Variants in TRIO observed in about 807,000 individuals in gnomAD.
TRIO encodes the protein trio Rho guanine nucleotide exchange factor.
Under a neutral mutation model 351.9 loss-of-function variants are expected in TRIO, and 58 were observed. The observed-to-expected ratio is 0.16, with a 90% CI of 0.13 to 0.21. The LOEUF is 0.21. TRIO is among the 10% of genes least tolerant of loss of function. The pLI is 1.00. For missense variants in TRIO, 3,201 were observed against 4,027.8 expected, an observed-to-expected ratio of 0.79 and a Z score of 5.56; for synonymous variants, 1,758 against 1,595.7, an observed-to-expected ratio of 1.10 and a Z score of -2.42.
intron 29 of TRIO, among the ~76,000 whole-genome samples, chr5:14,397,871 T>G (rs1025741573): frequency 6.6e-6 from 1 of 152,124 alleles, no homozygotes; most frequent in Admixed American, 6.5e-5. Context: ...TGGCCGCCCT[T>G]CATGATGTCA....
intron 1 of TRIO, among the ~76,000 whole-genome samples, chr5:14,170,206 A>G (rs1011032374): frequency 1.3e-5 from 2 of 152,218 alleles, no homozygotes; most frequent in African/African-American, 2.4e-5. Context: ...TACTAGACAT[A>G]TAAAAAAGAC....
At chr5:14,444,391 A>T (rs1470827494) in intron 34 of TRIO, among the ~76,000 whole-genome samples, 1 of 152,246 alleles carries the variant, frequency 6.6e-6, no homozygotes, top group Admixed American at 6.5e-5. Context: ...GTTGCTGTGC[A>T]AACTAAATTC....
Position 14,487,876 on chromosome 5 carries a change from G to A in TRIO, c.7248G>A (p.Glu2416=), listed in dbSNP as rs1328046838. Residue 2416 remains glutamate, a synonymous_variant, in exon 48 of 57, where the codon GAG becomes GAA. Coordinates refer to ENST00000344204, the MANE Select transcript of TRIO (RefSeq NM_007118.4). ...AEPIPKMKVL[E]SPRKGAANAS... ...CGATCCCCAAGATGAAGGTGCTGGA[G>A]AGCCCCAGGAAAGGCGCCGCGAACG... 1.3e-6 allele frequency: 2 copies of A among 1,539,992 alleles called. No homozygotes were observed. Among genetic ancestry groups the A allele is most frequent in the Non-Finnish European group, 1.7e-6 (2 of 1,143,044 alleles).
intron 1 of TRIO, among the ~76,000 whole-genome samples, chr5:14,201,819 T>C (rs148925731): frequency 8.2e-4 from 124 of 152,060 alleles, no homozygotes; most frequent in African/African-American, 2.9e-3. Flanking sequence ...CCCCAAGAAA[T>C]AGGTGGACCT....
chr5:14,471,095 A>G (rs1754646553), intron 37 of TRIO, among the ~76,000 whole-genome samples: 1 of 74,788 alleles, frequency 1.3e-5, no homozygotes, highest in East Asian at 4.2e-4. Context: ...TAAATTCACT[A>G]TCCTTTTCAT....
intron 1 of TRIO, among the ~76,000 whole-genome samples, chr5:14,219,755 A>G (rs1792474056): frequency 6.6e-6 from 1 of 152,228 alleles, no homozygotes; most frequent in South Asian, 2.1e-4. Context: ...CTTTTACTCC[A>G]GGATCTTTAC....
intron 48 of TRIO, among the ~76,000 whole-genome samples, chr5:14,489,798 C>T (rs1193780135): frequency 6.6e-6 from 1 of 152,176 alleles, no homozygotes; most frequent in Admixed American, 6.5e-5. Flanking sequence ...GCAAGTGGCA[C>T]GTGTTCCCGC....
intron 2 of TRIO, among the ~76,000 whole-genome samples, chr5:14,279,975 C>T (rs540784729): frequency 1.3e-5 from 2 of 152,320 alleles, no homozygotes; most frequent in African/African-American, 4.8e-5. Flanking sequence ...TAGAGAGCAG[C>T]TGTGAGGGAG....
chr5:14,193,306 C>T (rs1790562642), intron 1 of TRIO, among the ~76,000 whole-genome samples: 1 of 152,076 alleles, frequency 6.6e-6, no homozygotes, highest in Admixed American at 6.5e-5. Context: ...GAAAAACGTA[C>T]CTGTGGGCAC....
chr5:14,280,254 A>G, intron 2 of TRIO, 68 bp from the exon 3 acceptor site: 1 of 1,453,934 alleles, frequency 6.9e-7, no homozygotes, highest in Non-Finnish European at 9.6e-7. Context: ...TGACAGAGTG[A>G]ATGGATGATA....
chr5:14,262,420 G>C (rs1441935294), intron 1 of TRIO, among the ~76,000 whole-genome samples: 11 of 152,092 alleles, frequency 7.2e-5, no homozygotes, highest in African/African-American at 2.7e-4. Context: ...TGGGGAGATG[G>C]TAATGATGAA....
At chr5:14,362,552 A>C (rs1744242584) in intron 13 of TRIO, among the ~76,000 whole-genome samples, 1 of 152,230 alleles carries the variant, frequency 6.6e-6, no homozygotes, top group South Asian at 2.1e-4. Context: ...CAAAGGAACC[A>C]GATCCCACAT....
At chr5:14,187,954 A>G (rs1561180834) in intron 1 of TRIO, among the ~76,000 whole-genome samples, 1 of 152,192 alleles carries the variant, frequency 6.6e-6, no homozygotes, top group Non-Finnish European at 1.5e-5. Flanking sequence ...TTGCGTGAGA[A>G]GCAGACCCTG....
chr5:14,360,743 C>G (rs886075379), intron 13 of TRIO, among the ~76,000 whole-genome samples: 4 of 152,186 alleles, frequency 2.6e-5, no homozygotes, highest in African/African-American at 9.6e-5. Context: ...CCAGACCAGC[C>G]CTGCGCAGGA....
At chr5:14,275,640 C>G (rs1395145073) in intron 2 of TRIO, among the ~76,000 whole-genome samples, 1 of 149,560 alleles carries the variant, frequency 6.7e-6, no homozygotes, top group Non-Finnish European at 1.5e-5. Context: ...TATTGATTTT[C>G]CCTTCTGTTT....
chr5:14,175,007 T>C (rs960950528), intron 1 of TRIO, among the ~76,000 whole-genome samples: 1 of 151,974 alleles, frequency 6.6e-6, no homozygotes, highest in Non-Finnish European at 1.5e-5. Context: ...ATTTAATGTG[T>C]GGTAAAGATG....
At chr5:14,391,992 A>T (rs1747123716) in intron 27 of TRIO, among the ~76,000 whole-genome samples, 1 of 152,240 alleles carries the variant, frequency 6.6e-6, no homozygotes, top group Admixed American at 6.5e-5. Flanking sequence ...TTGCCATCAG[A>T]CAAAATTCAG....
intron 1 of TRIO, among the ~76,000 whole-genome samples, chr5:14,185,417 G>A (rs1790048396): frequency 1.3e-5 from 2 of 152,294 alleles, no homozygotes; most frequent in South Asian, 2.1e-4. Flanking sequence ...TGAAAAACGT[G>A]CCCAGCATAG....
intron 9 of TRIO, among the ~76,000 whole-genome samples, chr5:14,318,279 CAAAAAAAAAA>C (rs759632595): frequency 2.4e-4 from 11 of 46,478 alleles, no homozygotes; most frequent in East Asian, 7.0e-4. Flanking sequence ...GACTCTATCT[CAAAAAAAAAA>C]AAAAAAAAAA....
Sources: gnomAD v4.1 joint callset for allele counts (sites outside exome capture counted in the v4.1 genomes callset) on GRCh38, gnomAD v4.1.1 for gene constraint, MANE v1.5 for transcripts, NCBI Gene and HGNC (gene_info 2026-07-23, HGNC 2026-07-21) for gene names.